Variants in BMPR1A observed in about 807,000 individuals in gnomAD.
The protein encoded by BMPR1A is bone morphogenetic protein receptor type 1A.
Under a neutral mutation model 66.0 loss-of-function variants are expected in BMPR1A, and 7 were observed. The observed-to-expected ratio is 0.11, with a 90% CI of 0.06 to 0.20. BMPR1A has a LOEUF of 0.20. BMPR1A is among the 10% of genes least tolerant of loss of function. The pLI is 1.00. For missense variants in BMPR1A, 408 were observed against 669.1 expected, an observed-to-expected ratio of 0.61 and a Z score of 4.31; for synonymous variants, 200 against 229.7, an observed-to-expected ratio of 0.87 and a Z score of 1.17.
At chr10:86,803,057 T>C (rs1188463552) in intron 1 of BMPR1A, among the ~76,000 whole-genome samples, 2 of 150,182 alleles carry the variant, frequency 1.3e-5, no homozygotes, top group Non-Finnish European at 3.0e-5. Context: ...CATATATTCC[T>C]ATCCATTCTA....
At chr10:86,812,589 A>G (rs1384934312) in intron 1 of BMPR1A, among the ~76,000 whole-genome samples, 2 of 152,184 alleles carry the variant, frequency 1.3e-5, no homozygotes, top group Admixed American at 1.3e-4. Context: ...TTCTCCAGGG[A>G]ATAGGAAAGA....
chr10:86,849,544 A>T (rs747808060), intron 2 of BMPR1A, among the ~76,000 whole-genome samples: 2 of 152,224 alleles, frequency 1.3e-5, no homozygotes, highest in Non-Finnish European at 2.9e-5. Flanking sequence ...TCTGTGCCTT[A>T]GATCCACATT....
chr10:86,930,446 AT>A (rs1437464516), downstream of BMPR1A: 1 of 151,926 alleles, frequency 6.6e-6, no homozygotes, highest in African/African-American at 2.4e-5. Flanking sequence ...CACTCAGCTA[AT>A]TTTGTATTTT....
chr10:86,787,120 A>G (rs550032999), intron 1 of BMPR1A, among the ~76,000 whole-genome samples: 45 of 152,306 alleles, frequency 3.0e-4, no homozygotes, highest in African/African-American at 9.4e-4. Flanking sequence ...CATGTGTTAT[A>G]TCAATTGAGA....
chr10:86,909,827 A>T (rs117213515), intron 7 of BMPR1A, among the ~76,000 whole-genome samples: 6,335 of 152,218 alleles, frequency 0.042, 191 homozygotes, highest in South Asian at 0.078. Flanking sequence ...TTTAAAACTG[A>T]ATTCTAAAAG....
At chr10:86,838,626 CAT>C (rs1245987726) in intron 1 of BMPR1A, among the ~76,000 whole-genome samples, 47 of 140,410 alleles carry the variant, frequency 3.3e-4, no homozygotes, top group South Asian at 1.1e-3. Flanking sequence ...CTTAAGATAA[CAT>C]AGGAATTTTA....
intron 7 of BMPR1A, among the ~76,000 whole-genome samples, chr10:86,901,147 C>T (rs1018335845): frequency 6.6e-6 from 1 of 152,220 alleles, no homozygotes; most frequent in Non-Finnish European, 1.5e-5. Flanking sequence ...CTTGCCAATA[C>T]CCAGCCTGCA....
chr10:86,903,185 A>T (rs1347250916), intron 7 of BMPR1A, among the ~76,000 whole-genome samples: 1 of 152,264 alleles, frequency 6.6e-6, no homozygotes, highest in Non-Finnish European at 1.5e-5. Context: ...ATAAATGAAT[A>T]CATATATAAA....
At chr10:86,929,986 T>A (rs534309942), downstream of BMPR1A, 24 of 152,394 alleles carry the variant, frequency 1.6e-4, no homozygotes, top group African/African-American at 5.5e-4. Context: ...GTCATCCTTA[T>A]ATCAAGTTAG....
intron 7 of BMPR1A, among the ~76,000 whole-genome samples, chr10:86,910,350 G>T (rs1007426127): frequency 2.0e-5 from 3 of 151,802 alleles, no homozygotes; most frequent in South Asian, 2.1e-4. Context: ...AATAAATAAA[G>T]AAAAATAAAA....
In BMPR1A at chr10:86,925,877, G is replaced by A. The variant is rs540542427; in HGVS notation, c.*2158G>A. ...CGAGTAGCTGGGACTACAGGCGCCC[G>A]CCACCGCGCCCGGCTAATTTTTTGT... On this transcript the variant is annotated 3_prime_UTR_variant, in exon 13 of 13. Transcript: ENST00000372037. 8.6e-5 allele frequency: 14 copies of A among 163,098 alleles called. 1 individual carries two copies. The highest frequency in any genetic ancestry group is 8.2e-4 in the South Asian group (4 of 4,854). The allele number at this position is 163,098 out of a possible 1,614,324, so 10.1% of individuals were successfully genotyped here.
At chr10:86,912,512 A>G (rs1469646991) in intron 8 of BMPR1A, 128 bp downstream of exon 8, 1 of 1,159,972 alleles carries the variant, frequency 8.6e-7, no homozygotes, top group African/African-American at 1.5e-5. Flanking sequence ...TTATTTAGAA[A>G]GAGGTATGCA....
At chr10:86,889,924 A>C in intron 3 of BMPR1A, 138 bp from the exon 4 acceptor site, 1 of 948,404 alleles carries the variant, frequency 1.1e-6, no homozygotes, top group Admixed American at 2.3e-5. Flanking sequence ...GTATGAATGA[A>C]ATTTATATTT....
At chr10:86,816,379 CGTG>C (rs1181772018) in intron 1 of BMPR1A, among the ~76,000 whole-genome samples, 2 of 152,020 alleles carry the variant, frequency 1.3e-5, no homozygotes, top group Non-Finnish European at 1.5e-5. Context: ...AAATTATACA[CGTG>C]GTCACATTTG....
rs1311294715 is a variant in BMPR1A at position 86,924,708 on chromosome 10, A to G, written c.*989A>G. 4.3e-6 allele frequency: 1 copy of G among 232,870 alleles called. No individual in the cohort carries two copies. The highest frequency in any genetic ancestry group is 8.5e-6 in the Non-Finnish European group (1 of 117,936). 14.4% of individuals were successfully genotyped at this position (232,870 alleles called of 1,614,324 possible). ...AACTTTTAAAAGGGAAGTTATTTAT[A>G]TTTTGTGTATAATGTGCTTTATTTG... On this transcript the variant is annotated 3_prime_UTR_variant, in exon 13 of 13. Transcript: ENST00000372037.
chr10:86,795,437 T>C (rs1589719880), intron 1 of BMPR1A, among the ~76,000 whole-genome samples: 1 of 151,824 alleles, frequency 6.6e-6, no homozygotes, highest in South Asian at 2.1e-4. Context: ...TTCCTAACGC[T>C]GTAACAGTGA....
At position 86,790,223 on chromosome 10, in the gene BMPR1A, AT is replaced by A. The variant is rs1564685649; in HGVS notation, c.-268+33305del. On this transcript the variant is annotated intron_variant, in intron 1 of 12. Coordinates refer to ENST00000372037, the MANE Select transcript of BMPR1A (RefSeq NM_004329.3). ...TATATATATATATATATATATATAT[AT>A]ATATATATATATCAAAACCACAATG... 9.5e-4 allele frequency among the ~76,000 whole-genome samples: 88 copies of A among 93,088 alleles called. 20 individuals are homozygous for A. The highest frequency in any genetic ancestry group is 4.7e-3 in the South Asian group (12 of 2,544). The allele number at this position is 93,088 out of a possible 152,430, so 61.1% of individuals were successfully genotyped here. A position where few individuals can be genotyped will look rare whatever the true frequency, so the allele number is the denominator to read the frequency against.
chr10:86,767,469 A>G (rs1841184902), intron 1 of BMPR1A, among the ~76,000 whole-genome samples: 2 of 152,140 alleles, frequency 1.3e-5, no homozygotes, highest in South Asian at 2.1e-4. Context: ...ACTTGAGCCT[A>G]GGAGCTCTAG....
intron 1 of BMPR1A, among the ~76,000 whole-genome samples, chr10:86,820,083 C>T (rs1037142511): frequency 1.3e-5 from 2 of 152,072 alleles, no homozygotes; most frequent in African/African-American, 2.4e-5. Context: ...TTTCTGACAC[C>T]CAGACTGGAG....
Sources: allele counts gnomAD v4.1 joint callset (sites outside exome capture counted in the v4.1 genomes callset), GRCh38; gene constraint gnomAD v4.1.1; transcripts MANE v1.5; gene names NCBI Gene and HGNC (gene_info 2026-07-23, HGNC 2026-07-21).